GLCCI1: variants seen among roughly 807,000 people sequenced by gnomAD.
GLCCI1 encodes the protein glucocorticoid-induced transcript 1 protein.
GLCCI1 carries 24 observed loss-of-function variants against 52.2 expected under a neutral mutation model. The ratio of observed to expected loss-of-function variants is 0.46; its 90% CI spans 0.33 to 0.65. The LOEUF (loss-of-function observed/expected upper bound fraction) is 0.65, where lower values mean the gene tolerates loss of function less well. Ranked by LOEUF, GLCCI1 falls within the 30% of genes least tolerant of loss-of-function variation. The pLI is 0.02. For synonymous variants in GLCCI1, 310 were observed against 276.5 expected, an observed-to-expected ratio of 1.12 and a Z score of -1.20; for missense variants, 704 against 701.5, an observed-to-expected ratio of 1.00 and a Z score of -0.04.
Position 8,022,464 on chromosome 7 carries a change from A to G in GLCCI1, c.610-19A>G, listed in dbSNP as rs781063406. 5 of 1,333,600 alleles carry G rather than the reference A, an allele frequency of 3.7e-6. No homozygotes were observed. The highest frequency in any genetic ancestry group is 5.0e-6 in the Non-Finnish European group (5 of 999,444). 82.6% of individuals were successfully genotyped at this position (1,333,600 alleles called of 1,614,324 possible). A position where few individuals can be genotyped will look rare whatever the true frequency, so the allele number is the denominator to read the frequency against. The stretch of plus-strand genomic sequence containing the variant: ...AGAGATAAAATTTCTTATTTTATTT[A>G]TATATATATTTTTTAAAGACACCTA... On this transcript the variant is annotated intron_variant, in intron 2 of 7. Transcript: ENST00000223145.
chr7:7,994,096 A>C (rs533103645), intron 1 of GLCCI1, among the ~76,000 whole-genome samples: 1 of 152,334 alleles, frequency 6.6e-6, no homozygotes, highest in Non-Finnish European at 1.5e-5. Context: ...TCTACAAAAA[A>C]TACAAAAATT....
chr7:7,969,944 C>A lies in GLCCI1; in HGVS notation c.457+137C>A, dbSNP rs947622212. The stretch of plus-strand genomic sequence containing the variant: ...AAAGTGGCTTTGGGAATCTCACCCC[C>A]CTGCGGTCGCTGTGGGGCTTGGAGG... On this transcript the variant is annotated intron_variant, in intron 1 of 7. Coordinates refer to ENST00000223145, the MANE Select transcript of GLCCI1 (RefSeq NM_138426.4). The surrounding 1 kb of genome is among the most constrained non-coding windows in gnomAD (Gnocchi z 4.9). 1 of 1,094,666 alleles carries A rather than the reference C, an allele frequency of 9.1e-7. No individual in the cohort carries two copies. 67.8% of individuals were successfully genotyped at this position (1,094,666 alleles called of 1,614,324 possible). A position where few individuals can be genotyped will look rare whatever the true frequency, so the allele number is the denominator to read the frequency against.
rs530365789 is a variant in GLCCI1 at position 7,969,479 on chromosome 7, G to GGGCGGCGGC, written c.137_145dup (p.Gly46_Gly48dup). 26 of 1,031,676 alleles carry GGGCGGCGGC rather than the reference G, an allele frequency of 2.5e-5. No individual in the cohort carries two copies. The highest frequency in any genetic ancestry group is 2.8e-5 in the Non-Finnish European group (24 of 861,920). 63.9% of individuals were successfully genotyped at this position (1,031,676 alleles called of 1,614,324 possible). A position where few individuals can be genotyped will look rare whatever the true frequency, so the allele number is the denominator to read the frequency against. On this transcript the variant is annotated inframe_insertion, in exon 1 of 8. Coordinates refer to ENST00000223145, the MANE Select transcript of GLCCI1 (RefSeq NM_138426.4). The surrounding 1 kb of genome is among the most constrained non-coding windows in gnomAD (Gnocchi z 4.9). ...CCGCCGCCGGGAGCGGGAACGGTGC[G>GGGCGGCGGC]GGCGGCGGCGGCGGCGTGGGCTGCG...
Position 8,060,154 on chromosome 7 carries a change from C to G in GLCCI1, c.872C>G (p.Ser291Cys), listed in dbSNP as rs1450853192. 1 of 1,613,690 alleles carries G rather than the reference C, an allele frequency of 6.2e-7. No homozygotes were observed. Among genetic ancestry groups the G allele is most frequent in the Non-Finnish European group, 8.5e-7 (1 of 1,179,672 alleles). Reference protein sequence around the residue: ...PLSNISVPKSSVSRVPCNVEG... With the variant: ...PLSNISVPKSCVSRVPCNVEG... ...TCAAATATATCAGTGCCAAAATCAT[C>G]TGTTTCGCGTGTGCCCTGCAATGTA... The change falls in exon 5 of 8, where the codon TCT (serine) becomes TGT (cysteine). Residue 291 changes from serine to cysteine, a missense_variant. By Grantham distance (112) the Ser-to-Cys change is moderately radical. Around this residue, in one of 3 missense-constraint regions of GLCCI1, gnomAD observed 547 missense variants for 524.8 expected, o/e 1.04. Transcript: ENST00000223145.
At chr7:8,047,018 A>C (rs79861573) in intron 3 of GLCCI1, among the ~76,000 whole-genome samples, 3 of 151,762 alleles carry the variant, frequency 2.0e-5, no homozygotes, top group South Asian at 4.2e-4. Flanking sequence ...GAAAAAAAAA[A>C]CCACCTCTAA....
At chr7:7,999,954 G>A (rs545923143) in intron 1 of GLCCI1, among the ~76,000 whole-genome samples, 2 of 152,160 alleles carry the variant, frequency 1.3e-5, no homozygotes, top group African/African-American at 4.8e-5. Context: ...CATTAAAATG[G>A]TTCCTATTGT....
At chr7:8,073,929 T>C (rs1042132575) in intron 6 of GLCCI1, among the ~76,000 whole-genome samples, 3 of 152,190 alleles carry the variant, frequency 2.0e-5, no homozygotes, top group African/African-American at 4.8e-5. Flanking sequence ...CTCTCTGTTA[T>C]GCAATACAAG....
intron 1 of GLCCI1, among the ~76,000 whole-genome samples, chr7:7,975,726 A>G (rs1323203556): frequency 6.6e-6 from 1 of 152,156 alleles, no homozygotes; most frequent in Non-Finnish European, 1.5e-5. Context: ...TGGATTGGCC[A>G]TTTTTCTCCA....
chr7:8,076,212 G>C (rs766073770), intron 6 of GLCCI1, among the ~76,000 whole-genome samples: 1 of 152,018 alleles, frequency 6.6e-6, no homozygotes, highest in Non-Finnish European at 1.5e-5. Context: ...TCTTTTGGGG[G>C]TTTATATTGT....
rs1403663246 is a variant in GLCCI1 at position 8,087,847 on chromosome 7, C to T, written c.*1309C>T. The T allele has an allele frequency of 3.9e-5, 6 of 152,600 alleles. No individual in the cohort carries two copies. Among genetic ancestry groups the T allele is most frequent in the Admixed American group, 3.3e-4 (5 of 15,278 alleles). The allele number at this position is 152,600 out of a possible 1,614,324, so 9.5% of individuals were successfully genotyped here. On this transcript the variant is annotated 3_prime_UTR_variant, in exon 8 of 8. Transcript: ENST00000223145. ...TGCAACCTGTGAGGTAGAGCATAAA[C>T]TCAAGAAAATAGCCTTGAACTTGCA... is the stretch of plus-strand genomic sequence containing the variant.
intron 1 of GLCCI1, chr7:7,982,082 C>T (rs543602859): frequency 1.3e-4 from 59 of 466,784 alleles, no homozygotes; most frequent in African/African-American, 9.6e-4. Flanking sequence ...GAACTGAAGT[C>T]GTAGCTGATC....
At chr7:8,063,395 C>T (rs933840615) in intron 5 of GLCCI1, among the ~76,000 whole-genome samples, 7 of 152,166 alleles carry the variant, frequency 4.6e-5, no homozygotes, top group Middle Eastern at 6.8e-3. Context: ...ATCCACCCAC[C>T]TCAGCCTCCC....
At chr7:8,019,045 A>C (rs1781430694) in intron 2 of GLCCI1, among the ~76,000 whole-genome samples, 1 of 152,224 alleles carries the variant, frequency 6.6e-6, no homozygotes, top group South Asian at 2.1e-4. Context: ...ATTGGATTCA[A>C]ATTAGTCACT....
In GLCCI1 at chr7:8,086,771, T is replaced by G; in HGVS notation, c.*233T>G. The G allele has an allele frequency of 1.9e-6, 1 of 512,884 alleles. No individual in the cohort carries two copies. The highest frequency in any genetic ancestry group is 3.4e-6 in the Non-Finnish European group (1 of 290,888). 31.8% of individuals were successfully genotyped at this position (512,884 alleles called of 1,614,324 possible). On this transcript the variant is annotated 3_prime_UTR_variant, in exon 8 of 8. Transcript: ENST00000223145. This position sits in a 1 kb window ranked among gnomAD's most constrained non-coding sequence, Gnocchi z 4.4. ...GTCATTCAGCATTTTAAGTGGAGAC[T>G]ATGCATTTCATAGTATATTTGACAG... is the stretch of plus-strand genomic sequence containing the variant.
At chr7:8,061,790 CT>C (rs1283212093) in intron 5 of GLCCI1, among the ~76,000 whole-genome samples, 1 of 151,072 alleles carries the variant, frequency 6.6e-6, no homozygotes, top group Non-Finnish European at 1.5e-5. Flanking sequence ...CCTCAGCCTC[CT>C]GAGTAGCTGG....
At chr7:8,084,774 T>C (rs1488942804) in intron 6 of GLCCI1, 123 bp from the exon 7 acceptor site, 7 of 900,780 alleles carry the variant, frequency 7.8e-6, no homozygotes, top group Admixed American at 2.8e-5. Context: ...AGCTTTGCAA[T>C]AAAGGAGACT....
intron 3 of GLCCI1, among the ~76,000 whole-genome samples, chr7:8,035,323 C>G (rs150528740): frequency 2.0e-4 from 30 of 152,320 alleles, no homozygotes; most frequent in Admixed American, 3.9e-4. Flanking sequence ...AGGGTTCCAT[C>G]CCAGCAGCCA....
At chr7:7,988,458 C>G (rs1279498950) in intron 1 of GLCCI1, among the ~76,000 whole-genome samples, 4 of 152,056 alleles carry the variant, frequency 2.6e-5, no homozygotes, top group African/African-American at 9.7e-5. Context: ...CTCTAAAAGC[C>G]TATTCAAAGA....
intron 2 of GLCCI1, among the ~76,000 whole-genome samples, chr7:8,011,751 T>C (rs1781266016): frequency 6.6e-6 from 1 of 152,184 alleles, no homozygotes; most frequent in Admixed American, 6.5e-5. Context: ...TAGTATTTTA[T>C]ACTCACATTA....
Sources: gnomAD v4.1 joint callset for allele counts (sites outside exome capture counted in the v4.1 genomes callset) on GRCh38, gnomAD v4.1.1 for gene constraint, gnomAD v4.1.1 regional missense constraint, Gnocchi (gnomAD v3.1) non-coding constraint, MANE v1.5 for transcripts, NCBI Gene and HGNC (gene_info 2026-07-23, HGNC 2026-07-21) for gene names.